ARSK: variants seen among roughly 807,000 people sequenced by gnomAD.
The protein encoded by ARSK is arylsulfatase family member K.
A neutral mutation model predicts 53.2 loss-of-function variants in ARSK; 37 were observed. That is an observed-to-expected ratio of 0.70 (90% CI 0.54 to 0.92). The LOEUF (loss-of-function observed/expected upper bound fraction) is 0.92, where lower values mean the gene tolerates loss of function less well. Among genes scored for constraint, ARSK ranks in the 40% least tolerant of loss-of-function variants. The pLI, the probability that ARSK is intolerant of heterozygous loss-of-function variation, is 0.00. For synonymous variants in ARSK, 208 were observed against 223.2 expected (o/e 0.93, Z 0.61); for missense variants, 613 against 643.0 (o/e 0.95, Z 0.51).
intron 1 of ARSK, among the ~76,000 whole-genome samples, chr5:95,557,347 G>T (rs1170355742): frequency 6.6e-6 from 1 of 152,144 alleles, no homozygotes; most frequent in Non-Finnish European, 1.5e-5. Flanking sequence ...AGATCATACT[G>T]ATACTTTCCA....
At chr5:95,584,756 A>G (rs1749081781) in intron 4 of ARSK, among the ~76,000 whole-genome samples, 1 of 152,184 alleles carries the variant, frequency 6.6e-6, no homozygotes, top group African/African-American at 2.4e-5. Flanking sequence ...CACGCCTGTA[A>G]TCCCAGCACT....
intron 1 of ARSK, chr5:95,556,073 G>A (rs1561357939): frequency 1.6e-6 from 1 of 624,944 alleles, no homozygotes; most frequent in East Asian, 2.8e-5. Context: ...GTGCTGCTTA[G>A]ACAATTGTTT....
intron 1 of ARSK, chr5:95,556,366 A>G: frequency 1.6e-6 from 1 of 640,388 alleles, no homozygotes. Context: ...TCAAAGGCAA[A>G]TGAAGGAAGC....
In ARSK at chr5:95,604,840, G is replaced by GTCTT. The variant is rs1395219984; in HGVS notation, c.*1316_*1319dup. On this transcript the variant is annotated 3_prime_UTR_variant, in exon 8 of 8. Transcript: ENST00000380009. ...TTGCCTATTTTTCTGTTGGTTGTTGGTCTTTGTTTTGTATTACAGGTGTGC... is the reference window on the plus strand; with the variant it reads ...TTGCCTATTTTTCTGTTGGTTGTTGGTCTTTCTTTGTTTTGTATTACAGGTGTGC... 1 of 151,968 alleles carries GTCTT rather than the reference G, an allele frequency of 6.6e-6. No individual in the cohort carries two copies. Among genetic ancestry groups the GTCTT allele is most frequent in the Non-Finnish European group, 1.5e-5 (1 of 67,976 alleles). 9.4% of individuals were successfully genotyped at this position (151,968 alleles called of 1,614,324 possible). A position where few individuals can be genotyped will look rare whatever the true frequency, so the allele number is the denominator to read the frequency against.
intron 3 of ARSK, among the ~76,000 whole-genome samples, chr5:95,576,754 C>T: frequency 6.6e-6 from 1 of 151,916 alleles, no homozygotes; most frequent in South Asian, 2.1e-4. Flanking sequence ...GACTCTGGGT[C>T]TTCTCAGCTA....
At chr5:95,561,805 G>A (rs865842529) in intron 1 of ARSK, among the ~76,000 whole-genome samples, 5 of 152,180 alleles carry the variant, frequency 3.3e-5, no homozygotes, top group East Asian at 1.9e-4. Context: ...TTCTAAAATC[G>A]ACTATGGTAA....
intron 6 of ARSK, among the ~76,000 whole-genome samples, chr5:95,597,906 T>G (rs6879199): frequency 0.19 from 22,411 of 120,010 alleles, 2,229 homozygotes; most frequent in Middle Eastern, 0.27. Flanking sequence ...AAAAAAAAAG[T>G]GGGGGGCGGG....
At chr5:95,566,354 G>A (rs997435501) in intron 2 of ARSK, among the ~76,000 whole-genome samples, 1 of 152,164 alleles carries the variant, frequency 6.6e-6, no homozygotes, top group East Asian at 1.9e-4. Flanking sequence ...TAGTTCATGT[G>A]TTACCGTTTT....
chr5:95,577,480 C>G (rs1357508076), intron 3 of ARSK, among the ~76,000 whole-genome samples: 1 of 152,142 alleles, frequency 6.6e-6, no homozygotes, highest in Non-Finnish European at 1.5e-5. Context: ...GTTAGCTTAG[C>G]AAGTCTCATT....
chr5:95,581,734 G>C (rs769741387), intron 3 of ARSK, among the ~76,000 whole-genome samples: 7 of 149,850 alleles, frequency 4.7e-5, no homozygotes, highest in Non-Finnish European at 8.8e-5. Flanking sequence ...TATAGTAAGA[G>C]TTAGCTATGA....
chr5:95,562,446 G>A (rs1159065965), intron 1 of ARSK, among the ~76,000 whole-genome samples: 1 of 152,176 alleles, frequency 6.6e-6, no homozygotes, highest in African/African-American at 2.4e-5. Context: ...CTGATGGACA[G>A]ATCTGGGAAG....
chr5:95,590,505 G>A (rs1749194124), intron 5 of ARSK, among the ~76,000 whole-genome samples: 1 of 152,120 alleles, frequency 6.6e-6, no homozygotes, highest in Non-Finnish European at 1.5e-5. Flanking sequence ...AGTACAAGCA[G>A]GGGAAAGAGG....
At chr5:95,556,686 C>A in intron 1 of ARSK, 1 of 154,416 alleles carries the variant, frequency 6.5e-6, no homozygotes, top group Non-Finnish European at 1.4e-5. Context: ...AGTATGAATG[C>A]ATAGATTTTT....
chr5:95,565,030 G>T (rs1290661651), intron 1 of ARSK, among the ~76,000 whole-genome samples: 1 of 152,108 alleles, frequency 6.6e-6, no homozygotes, highest in African/African-American at 2.4e-5. Flanking sequence ...CTATCTCAAG[G>T]ATTTAGATAT....
In ARSK at chr5:95,603,479, G is replaced by A. The variant is rs1430654057; in HGVS notation, c.1564G>A (p.Ala522Thr). The stretch of plus-strand genomic sequence containing the variant: ...GAAGGAACCAAGGAAGTATGAAAAT[G>A]CAATTGATCAGTGGCTTAAAACCCA... ...WQKEPRKYEN[A>T]IDQWLKTHMN... Residue 522 changes from alanine (A) to threonine (T), a missense_variant, in exon 8 of 8, where the codon GCA becomes ACA. Ala to Thr is a moderately conservative substitution (Grantham distance 58). Transcript: ENST00000380009. 6.2e-7 allele frequency: 1 copy of A among 1,612,204 alleles called. No individual in the cohort carries two copies. The highest frequency in any genetic ancestry group is 8.5e-7 in the Non-Finnish European group (1 of 1,179,472).
At chr5:95,597,143 C>T (rs1276785654) in intron 6 of ARSK, among the ~76,000 whole-genome samples, 3 of 151,996 alleles carry the variant, frequency 2.0e-5, no homozygotes, top group Admixed American at 6.6e-5. Context: ...AAAGGTGTCT[C>T]GTTTTGTAGT....
intron 6 of ARSK, among the ~76,000 whole-genome samples, chr5:95,600,053 C>A (rs949316009): frequency 3.9e-5 from 6 of 152,200 alleles, no homozygotes; most frequent in African/African-American, 1.4e-4. Context: ...AGTTTAAGGT[C>A]TAATTACCTT....
intron 1 of ARSK, among the ~76,000 whole-genome samples, chr5:95,563,363 CA>C (rs1748672531): frequency 6.6e-6 from 1 of 152,136 alleles, no homozygotes; most frequent in African/African-American, 2.4e-5. Context: ...TTAAATTGAA[CA>C]AATCTCTGGA....
In ARSK at chr5:95,586,740, G is replaced by A. The variant is rs760507991; in HGVS notation, c.871+7G>A. On this transcript the variant is annotated splice_region_variant and intron_variant, in intron 5 of 7. Coordinates refer to ENST00000380009, the MANE Select transcript of ARSK (RefSeq NM_198150.3). The stretch of plus-strand genomic sequence containing the variant: ...GAGACAGATGCCATGCTTGGTAGGT[G>A]GTATAATTAATAAGCAATTACATGA... 5.1e-6 allele frequency: 8 copies of A among 1,565,096 alleles called. No individual in the cohort carries two copies. The East Asian group carries it at 1.2e-4, about 23-fold the overall frequency.
Sources: gnomAD v4.1 joint callset for allele counts (sites outside exome capture counted in the v4.1 genomes callset) on GRCh38, gnomAD v4.1.1 for gene constraint, MANE v1.5 for transcripts, NCBI Gene and HGNC (gene_info 2026-07-23, HGNC 2026-07-21) for gene names.